Variants in COL5A2 observed in about 807,000 individuals in gnomAD.
COL5A2 encodes the protein collagen type V alpha 2 chain, also known as collagen alpha-2(V) chain.
Under a neutral mutation model 208.2 loss-of-function variants are expected in COL5A2, and 23 were observed. The observed-to-expected ratio is 0.11, with a 90% CI of 0.08 to 0.16. The LOEUF is 0.16. Among genes scored for constraint, COL5A2 ranks in the 10% least tolerant of loss-of-function variants. COL5A2 has a pLI of 1.00. For missense variants in COL5A2, 1,590 were observed against 1,956.4 expected, an observed-to-expected ratio of 0.81 and a Z score of 3.53; for synonymous variants, 625 against 628.5, an observed-to-expected ratio of 0.99 and a Z score of 0.08.
chr2:189,349,511 C>G, the COL5A2 span, among the ~76,000 whole-genome samples: 1 of 152,116 alleles, frequency 6.6e-6, no homozygotes, highest in Non-Finnish European at 1.5e-5. Context: ...TGGGGTGTAG[C>G]AGACACACAT....
chr2:189,402,848 CCT>C, the COL5A2 span, among the ~76,000 whole-genome samples: 1 of 151,854 alleles, frequency 6.6e-6, no homozygotes, highest in Non-Finnish European at 1.5e-5. Context: ...CAGCATGATG[CCT>C]CCAACTTCTT....
chr2:189,384,185 C>G, the COL5A2 span, among the ~76,000 whole-genome samples: 1 of 152,058 alleles, frequency 6.6e-6, no homozygotes, highest in Non-Finnish European at 1.5e-5. Context: ...GATTTTATAT[C>G]TCGGCTACTG....
chr2:189,133,496 A>G (rs1283859299), intron 1 of COL5A2, among the ~76,000 whole-genome samples: 1 of 152,188 alleles, frequency 6.6e-6, no homozygotes, highest in Admixed American at 6.5e-5. Context: ...TTAATCAGAC[A>G]TCTTGAACAT....
chr2:189,168,627 C>T (rs1334171308), intron 1 of COL5A2, among the ~76,000 whole-genome samples: 1 of 152,054 alleles, frequency 6.6e-6, no homozygotes, highest in Non-Finnish European at 1.5e-5. Context: ...GCAAATAAGC[C>T]TATTACTATG....
chr2:189,091,558 A>T (rs1686785071), intron 7 of COL5A2, among the ~76,000 whole-genome samples: 2 of 152,232 alleles, frequency 1.3e-5, no homozygotes, highest in African/African-American at 4.8e-5. Flanking sequence ...TTTAACAATA[A>T]GGTATTTTTA....
rs117180198 is a variant in COL5A2, at chr2:189,055,008, C to G, written c.2392-796G>C. Among the ~76,000 whole-genome samples, 107 of 152,158 alleles carry G rather than the reference C, an allele frequency of 7.0e-4. No homozygotes were observed. In the East Asian group the frequency reaches 0.019, roughly 26 times the overall value. On this transcript the variant is annotated intron_variant, in intron 35 of 53. Transcript: ENST00000374866. ...GCGCCATTCTCCTACCTCAGCCTCC[C>G]AAGTAGCTGGGATTGCAAGCGTCTG...
intron 1 of COL5A2, among the ~76,000 whole-genome samples, chr2:189,117,650 T>C (rs1282927768): frequency 1.3e-5 from 2 of 152,198 alleles, no homozygotes; most frequent in Non-Finnish European, 2.9e-5. Flanking sequence ...AAATGTTACC[T>C]ACTCTGGTCA....
chr2:189,189,839 T>C (rs1300041861), intron 1 of COL5A2, among the ~76,000 whole-genome samples: 1 of 152,204 alleles, frequency 6.6e-6, no homozygotes, highest in Non-Finnish European at 1.5e-5. Flanking sequence ...GGTCAGTATA[T>C]AACCAAGTTT....
intron 1 of COL5A2, among the ~76,000 whole-genome samples, chr2:189,139,721 T>C (rs559308623): frequency 2.0e-5 from 3 of 152,338 alleles, no homozygotes; most frequent in South Asian, 4.1e-4. Context: ...CCCTTTGTAC[T>C]ATCGGTACAA....
the COL5A2 span, among the ~76,000 whole-genome samples, chr2:189,432,907 C>T: frequency 6.6e-6 from 1 of 152,160 alleles, no homozygotes; most frequent in African/African-American, 2.4e-5. Context: ...CGCCCTCATT[C>T]TAAAATTGAC....
At chr2:189,075,509 T>C (rs1686385390) in intron 16 of COL5A2, 72 bp from the exon 17 acceptor site, 1 of 1,275,508 alleles carries the variant, frequency 7.8e-7, no homozygotes, top group Non-Finnish European at 1.1e-6. Context: ...ATTTGCCTTA[T>C]AAAAAATTTC....
the COL5A2 span, among the ~76,000 whole-genome samples, chr2:189,346,504 A>G: frequency 6.6e-6 from 1 of 152,214 alleles, no homozygotes; most frequent in Non-Finnish European, 1.5e-5. Flanking sequence ...ACATGCTAAA[A>G]GCCCAAATCA....
chr2:189,112,958 G>A (rs1687312585), intron 1 of COL5A2, among the ~76,000 whole-genome samples: 1 of 152,152 alleles, frequency 6.6e-6, no homozygotes, highest in Non-Finnish European at 1.5e-5. Context: ...TAACTTAAGG[G>A]TAATTTTGCT....
intron 22 of COL5A2, 109 bp downstream of exon 22, chr2:189,066,620 T>C (rs1686156479): frequency 7.5e-7 from 1 of 1,338,980 alleles, no homozygotes; most frequent in Non-Finnish European, 1.1e-6. Flanking sequence ...GATATTTTCA[T>C]CTCAAGCTAT....
chr2:189,437,234 C>T, the COL5A2 span, among the ~76,000 whole-genome samples: 2 of 152,130 alleles, frequency 1.3e-5, no homozygotes, highest in Non-Finnish European at 2.9e-5. Flanking sequence ...GTGGCTGGCC[C>T]GTGGGAGGCA....
the COL5A2 span, among the ~76,000 whole-genome samples, chr2:189,233,619 A>C: frequency 3.3e-5 from 5 of 151,466 alleles, no homozygotes; most frequent in African/African-American, 1.2e-4. Flanking sequence ...AGTTTATTCC[A>C]TTGTTTTATT....
Position 189,066,391 on chromosome 2 carries a change from C to G in COL5A2, c.1562G>C (p.Arg521Thr), listed in dbSNP as rs559774797. The G allele has an allele frequency of 6.2e-7, 1 of 1,613,084 alleles. No individual in the cohort carries two copies. ...TVGPPGPVGE[R>T]GAPGNRGFPG... ...ATGTGTTGTATTATTTAAATTTACC[C>G]TTTCTCCCACTGGCCCTGGAGGACC... Residue 521 changes from arginine (R) to threonine (T), a missense_variant and splice_region_variant, in exon 23 of 54, where the codon AGG (arginine) becomes ACG (threonine). Coordinates refer to ENST00000374866, the MANE Select transcript of COL5A2 (RefSeq NM_000393.5).
At chr2:189,266,525 A>T in the COL5A2 span, among the ~76,000 whole-genome samples, 2 of 152,168 alleles carry the variant, frequency 1.3e-5, no homozygotes, top group South Asian at 4.1e-4. Flanking sequence ...ATAAAAGGCC[A>T]TGTATTTTAT....
intron 1 of COL5A2, among the ~76,000 whole-genome samples, chr2:189,164,437 C>T (rs1166292765): frequency 6.6e-6 from 1 of 151,294 alleles, no homozygotes; most frequent in Non-Finnish European, 1.5e-5. Context: ...TATTCTGGGG[C>T]TTTGGGAGAT....
Sources: allele counts gnomAD v4.1 joint callset (sites outside exome capture counted in the v4.1 genomes callset), GRCh38; gene constraint gnomAD v4.1.1; transcripts MANE v1.5; gene names NCBI Gene and HGNC (gene_info 2026-07-23, HGNC 2026-07-21).